Variants in HSD17B12 observed in about 807,000 individuals in gnomAD.
HSD17B12 encodes the protein very-long-chain 3-oxoacyl-CoA reductase.
HSD17B12 carries 32 observed loss-of-function variants against 39.3 expected under a neutral mutation model. The ratio of observed to expected loss-of-function variants is 0.81; its 90% CI spans 0.61 to 1.09. HSD17B12 has a LOEUF of 1.09. HSD17B12 is among the 50% of genes least tolerant of loss of function. The pLI is 0.00. For synonymous variants in HSD17B12, 150 were observed against 146.7 expected, an observed-to-expected ratio of 1.02 and a Z score of -0.16; for missense variants, 342 against 382.9, an observed-to-expected ratio of 0.89 and a Z score of 0.89.
chr11:43,652,343 A>G, the HSD17B12 span, among the ~76,000 whole-genome samples: 18 of 152,230 alleles, frequency 1.2e-4, no homozygotes, highest in African/African-American at 4.3e-4. Context: ...GTCTCACACC[A>G]CACAATCATC....
chr11:43,622,711 C>G, the HSD17B12 span, among the ~76,000 whole-genome samples: 2 of 151,992 alleles, frequency 1.3e-5, no homozygotes, highest in African/African-American at 2.4e-5. Flanking sequence ...ATTAGCCCAG[C>G]CTCCTGTCCC....
At chr11:43,819,469 G>A (rs1339701017) in intron 6 of HSD17B12, among the ~76,000 whole-genome samples, 3 of 152,148 alleles carry the variant, frequency 2.0e-5, no homozygotes, top group Non-Finnish European at 1.5e-5. Context: ...GTGAGTCTCT[G>A]CTTAAAGACC....
At chr11:43,687,948 A>G (rs1949817347) in intron 1 of HSD17B12, among the ~76,000 whole-genome samples, 1 of 152,244 alleles carries the variant, frequency 6.6e-6, no homozygotes, top group African/African-American at 2.4e-5. Flanking sequence ...GCAGTGGCTC[A>G]TGCCTGTAAT....
At chr11:43,676,258 A>G (rs1949694626), upstream of HSD17B12, among the ~76,000 whole-genome samples, 1 of 144,186 alleles carries the variant, frequency 6.9e-6, no homozygotes, top group Admixed American at 7.0e-5. Flanking sequence ...GTAGAGTTCT[A>G]TTCTAAACAT....
upstream of HSD17B12, chr11:43,680,585 A>ATGGGAGGAGTG (rs1369295619): frequency 7.7e-6 from 4 of 518,994 alleles, no homozygotes; most frequent in Non-Finnish European, 1.4e-5. Flanking sequence ...GGACGCGGTG[A>ATGGGAGGAGTG]TGGGAGGAGT....
chr11:43,689,697 CCA>C (rs1427426133), intron 1 of HSD17B12, among the ~76,000 whole-genome samples: 2 of 152,058 alleles, frequency 1.3e-5, no homozygotes, highest in Non-Finnish European at 2.9e-5. Flanking sequence ...CAGGCGAGTG[CCA>C]CCACACCCTG....
chr11:43,772,386 A>C (rs915801461), intron 3 of HSD17B12, among the ~76,000 whole-genome samples: 1 of 152,190 alleles, frequency 6.6e-6, no homozygotes, highest in Non-Finnish European at 1.5e-5. Context: ...ATGAGTTAAA[A>C]ATTTTGGGGT....
intron 4 of HSD17B12, among the ~76,000 whole-genome samples, chr11:43,807,743 A>G (rs943893190): frequency 1.3e-5 from 2 of 152,184 alleles, no homozygotes; most frequent in African/African-American, 4.8e-5. Context: ...GCAGAAGTGA[A>G]CTGACAAAGA....
At chr11:43,821,540 C>T (rs1307729687) in intron 6 of HSD17B12, among the ~76,000 whole-genome samples, 2 of 152,122 alleles carry the variant, frequency 1.3e-5, no homozygotes, top group South Asian at 2.1e-4. Context: ...GACAATTGAA[C>T]CTCAAGACAT....
chr11:43,723,073 A>G (rs1306876272), intron 1 of HSD17B12, among the ~76,000 whole-genome samples: 1 of 152,168 alleles, frequency 6.6e-6, no homozygotes, highest in Non-Finnish European at 1.5e-5. Flanking sequence ...TATTATTCAC[A>G]TTTTATTGGT....
intron 9 of HSD17B12, among the ~76,000 whole-genome samples, chr11:43,844,464 A>G (rs1951456452): frequency 6.6e-6 from 1 of 152,168 alleles, no homozygotes; most frequent in Admixed American, 6.5e-5. Flanking sequence ...GATTTTGAAC[A>G]GAGGATGAGA....
the HSD17B12 span, among the ~76,000 whole-genome samples, chr11:43,675,609 TA>T: frequency 0.31 from 44,476 of 144,066 alleles, 6,586 homozygotes; most frequent in African/African-American, 0.32. Flanking sequence ...CTAATTTACT[TA>T]AAAAAAAAAA....
intron 8 of HSD17B12, among the ~76,000 whole-genome samples, chr11:43,838,740 A>T (rs1300396050): frequency 6.6e-6 from 1 of 152,102 alleles, no homozygotes; most frequent in Non-Finnish European, 1.5e-5. Flanking sequence ...TTAGAACATG[A>T]TGTTAATGAG....
intron 2 of HSD17B12, among the ~76,000 whole-genome samples, chr11:43,753,808 AG>A (rs982156398): frequency 2.0e-5 from 3 of 152,156 alleles, no homozygotes; most frequent in Admixed American, 2.0e-4. Context: ...AAAATGAAAA[AG>A]TAAAAGTCTC....
chr11:43,744,191 G>T (rs1160248436), intron 1 of HSD17B12, among the ~76,000 whole-genome samples: 1 of 152,124 alleles, frequency 6.6e-6, no homozygotes. Flanking sequence ...ATGTGAGGCA[G>T]ATATTATTAA....
chr11:43,740,929 A>T (rs1950358417), intron 1 of HSD17B12, among the ~76,000 whole-genome samples: 1 of 152,380 alleles, frequency 6.6e-6, no homozygotes, highest in Non-Finnish European at 1.5e-5. Context: ...TGTGCATTTA[A>T]CACATGAAGG....
chr11:43,650,070 T>A, the HSD17B12 span, among the ~76,000 whole-genome samples: 1 of 152,144 alleles, frequency 6.6e-6, no homozygotes, highest in East Asian at 1.9e-4. Context: ...TTCTGCCCCA[T>A]AAAATCATGA....
At chr11:43,617,412 C>T in the HSD17B12 span, among the ~76,000 whole-genome samples, 7 of 152,124 alleles carry the variant, frequency 4.6e-5, no homozygotes, top group Non-Finnish European at 1.0e-4. Context: ...TACGGATCCA[C>T]ACTAGAGGCA....
chr11:43,766,262 G>T (rs547464427), intron 3 of HSD17B12, among the ~76,000 whole-genome samples: 2 of 152,144 alleles, frequency 1.3e-5, no homozygotes, highest in African/African-American at 4.8e-5. Flanking sequence ...AGACTTGACT[G>T]CTGGGCTCTA....
Sources: allele counts gnomAD v4.1 joint callset (sites outside exome capture counted in the v4.1 genomes callset), GRCh38; gene constraint gnomAD v4.1.1; transcripts MANE v1.5; gene names NCBI Gene and HGNC (gene_info 2026-07-23, HGNC 2026-07-21).